Variants in USP48 observed in about 807,000 individuals in gnomAD.
USP48 encodes ubiquitin carboxyl-terminal hydrolase 48.
A neutral mutation model predicts 150.7 loss-of-function variants in USP48; 43 were observed. The observed-to-expected ratio is 0.29, with a 90% CI of 0.22 to 0.37. The LOEUF is 0.37. Among genes scored for constraint, USP48 ranks in the 10% least tolerant of loss-of-function variants. The pLI is 1.00. For missense variants in USP48, 813 were observed against 1,249.6 expected, an observed-to-expected ratio of 0.65 and a Z score of 5.27; for synonymous variants, 396 against 425.9, an observed-to-expected ratio of 0.93 and a Z score of 0.86.
rs1333096678 is a variant in USP48, at chr1:21,782,999, G to GCCGCCGCCGCGGTCTGCA, written c.-60_-43dup. 1.0e-5 allele frequency: 15 copies of GCCGCCGCCGCGGTCTGCA among 1,480,322 alleles called. No individual in the cohort carries two copies. The African/African-American group carries it at 1.0e-4, about 10-fold the overall frequency. The allele number at this position is 1,480,322 out of a possible 1,614,324, so 91.7% of individuals were successfully genotyped here. ...ACGCCTCCCGAGCCAGACCGCCGCA[G>GCCGCCGCCGCGGTCTGCA]CCGCCGCCGCGGTCTGCACCGCCGC... On this transcript the variant is annotated 5_prime_UTR_variant, in exon 1 of 27. Coordinates refer to ENST00000308271, the MANE Select transcript of USP48 (RefSeq NM_032236.8).
chr1:21,768,209 A>G (rs2097867817), intron 1 of USP48: 1 of 152,084 alleles, frequency 6.6e-6, no homozygotes, highest in Non-Finnish European at 1.5e-5. Flanking sequence ...TCCGTCTCAA[A>G]AAAAAAAAAA....
At chr1:21,774,745 A>C (rs2097892955) in intron 1 of USP48, among the ~76,000 whole-genome samples, 1 of 151,812 alleles carries the variant, frequency 6.6e-6, no homozygotes, top group African/African-American at 2.4e-5. Flanking sequence ...TAATCTCAAC[A>C]CTTCGGGAGG....
At chr1:21,717,435 C>CA (rs1321313263) in intron 14 of USP48, among the ~76,000 whole-genome samples, 1 of 102,814 alleles carries the variant, frequency 9.7e-6, no homozygotes, top group African/African-American at 3.3e-5. Context: ...AAAAACAAAA[C>CA]AAATAAAAAA....
intron 3 of USP48, among the ~76,000 whole-genome samples, chr1:21,755,968 C>T (rs2097832446): frequency 6.6e-6 from 1 of 151,856 alleles, no homozygotes; most frequent in Non-Finnish European, 1.5e-5. Flanking sequence ...GAGTTCAAGA[C>T]CAGCCTGACC....
intron 8 of USP48, among the ~76,000 whole-genome samples, chr1:21,740,478 G>A (rs1242628904): frequency 6.6e-6 from 1 of 152,110 alleles, no homozygotes; most frequent in African/African-American, 2.4e-5. Flanking sequence ...AAAACCAAAA[G>A]GAAATCTCCA....
chr1:21,736,442 T>TTA lies in USP48; in HGVS notation c.1171+2_1171+3dup. 6.3e-7 allele frequency: 1 copy of TTA among 1,599,782 alleles called. No individual in the cohort carries two copies. Among genetic ancestry groups the TTA allele is most frequent in the Non-Finnish European group, 8.5e-7 (1 of 1,175,784 alleles). On this transcript the variant is annotated splice_donor_region_variant and intron_variant, in intron 9 of 26. Coordinates refer to ENST00000308271, the MANE Select transcript of USP48 (RefSeq NM_032236.8). ...AAAGGGCACTCACAACTTAAAGGTT[T>TTA]TACCTAGATCTTCCTCAATCCCTAG...
At chr1:21,715,275 A>C in intron 15 of USP48, 114 bp downstream of exon 15, 1 of 687,072 alleles carries the variant, frequency 1.5e-6, no homozygotes, top group Non-Finnish European at 2.4e-6. Context: ...AATTCTATTA[A>C]AAAAAATTTT....
At chr1:21,723,556 C>T (rs1433627102) in intron 12 of USP48, among the ~76,000 whole-genome samples, 1 of 150,964 alleles carries the variant, frequency 6.6e-6, no homozygotes, top group Non-Finnish European at 1.5e-5. Context: ...GAGGCACAAA[C>T]TTGCAATTAA....
chr1:21,694,729 T>C (rs2097620584), intron 23 of USP48, among the ~76,000 whole-genome samples: 1 of 152,012 alleles, frequency 6.6e-6, no homozygotes, highest in Non-Finnish European at 1.5e-5. Context: ...TTCACAGCAG[T>C]TCCTGGTAAC....
chr1:21,746,867 C>G (rs1280641336), intron 8 of USP48, among the ~76,000 whole-genome samples, 200 bp downstream of exon 8: 1 of 152,182 alleles, frequency 6.6e-6, no homozygotes, highest in Non-Finnish European at 1.5e-5. Flanking sequence ...ACCACCTCAT[C>G]TTTGCTATAT....
At chr1:21,747,793 G>A (rs1042244161) in intron 7 of USP48, among the ~76,000 whole-genome samples, 1 of 151,614 alleles carries the variant, frequency 6.6e-6, no homozygotes, top group Non-Finnish European at 1.5e-5. Context: ...GGCTGATCTC[G>A]AACTCCTGAC....
intron 11 of USP48, among the ~76,000 whole-genome samples, chr1:21,725,753 C>CA (rs11384428): frequency 0.65 from 94,949 of 146,164 alleles, 31,237 homozygotes; most frequent in Non-Finnish European, 0.71. Context: ...AATTCCATCT[C>CA]AAAAAAAAAA....
At chr1:21,724,923 G>C (rs1231153773) in intron 11 of USP48, 1 of 152,130 alleles carries the variant, frequency 6.6e-6, no homozygotes, top group Admixed American at 6.6e-5. Flanking sequence ...AAGATCTCCA[G>C]TGAGTCCCAG....
chr1:21,736,185 T>C (rs2097768563), intron 9 of USP48, among the ~76,000 whole-genome samples: 1 of 152,120 alleles, frequency 6.6e-6, no homozygotes, highest in Admixed American at 6.6e-5. Context: ...GGCAGGAAGA[T>C]CACTTGAGCC....
intron 1 of USP48, among the ~76,000 whole-genome samples, chr1:21,775,669 T>C (rs1478127747): frequency 2.0e-5 from 3 of 152,228 alleles, no homozygotes; most frequent in South Asian, 4.1e-4. Context: ...AATAGTCATA[T>C]GATGTTTCCC....
chr1:21,734,538 G>A (rs1331970346), intron 9 of USP48, among the ~76,000 whole-genome samples: 1 of 152,210 alleles, frequency 6.6e-6, no homozygotes, highest in Non-Finnish European at 1.5e-5. Context: ...CAACTGCTAT[G>A]TTCCTGCCTA....
Position 21,736,706 on chromosome 1 carries a change from G to A in USP48, c.992-81C>T, listed in dbSNP as rs1270390919. On this transcript the variant is annotated intron_variant, in intron 8 of 26. Transcript: ENST00000308271. ...CCTGAGCCTGAATTGTAATGATTAC[G>A]AATCTTTACACATGTGGTATAACTA... The A allele has an allele frequency of 1.1e-5, 13 of 1,189,680 alleles. No homozygotes were observed. In the East Asian group the frequency reaches 3.0e-4, roughly 28 times the overall value. 73.7% of individuals were successfully genotyped at this position (1,189,680 alleles called of 1,614,324 possible). A position where few individuals can be genotyped will look rare whatever the true frequency, so the allele number is the denominator to read the frequency against.
At chr1:21,693,173 T>C (rs897661134) in intron 23 of USP48, among the ~76,000 whole-genome samples, 1 of 152,166 alleles carries the variant, frequency 6.6e-6, no homozygotes, top group Non-Finnish European at 1.5e-5. Flanking sequence ...TAAAGATCTA[T>C]CTTTGGGAAA....
chr1:21,713,632 G>A (rs1024822458), intron 15 of USP48, among the ~76,000 whole-genome samples: 1 of 152,148 alleles, frequency 6.6e-6, no homozygotes, highest in Non-Finnish European at 1.5e-5. Flanking sequence ...TGCCACAGAT[G>A]CTTCAACTCT....
Sources: allele counts gnomAD v4.1 joint callset (sites outside exome capture counted in the v4.1 genomes callset), GRCh38; gene constraint gnomAD v4.1.1; transcripts MANE v1.5; gene names NCBI Gene and HGNC (gene_info 2026-07-23, HGNC 2026-07-21).